Variants in CCDC169 observed in about 807,000 individuals in gnomAD.
CCDC169 encodes coiled-coil domain containing 169, also known as coiled-coil domain-containing protein 169.
CCDC169 carries 30 observed loss-of-function variants against 36.0 expected under a neutral mutation model. The ratio of observed to expected loss-of-function variants is 0.83; its 90% CI spans 0.62 to 1.13. The LOEUF is 1.13. Ranked by LOEUF, CCDC169 falls within the 50% of genes most tolerant of loss-of-function variation. The pLI, the probability that CCDC169 is intolerant of heterozygous loss-of-function variation, is 0.00. For synonymous variants in CCDC169, 85 were observed against 81.5 expected, an observed-to-expected ratio of 1.04 and a Z score of -0.23; for missense variants, 245 against 245.9, an observed-to-expected ratio of 1.00 and a Z score of 0.03.
intron 7 of CCDC169, among the ~76,000 whole-genome samples, chr13:36,237,655 A>C (rs1258762542): frequency 6.6e-6 from 1 of 152,208 alleles, no homozygotes; most frequent in East Asian, 1.9e-4. Flanking sequence ...GAACCATGAA[A>C]ATGTTATATT....
Position 36,248,603 on chromosome 13 carries a change from T to TA in CCDC169, c.545+2dup, listed in dbSNP as rs1456818260. Reference sequence around the variant, plus strand: ...TAGAAAGAAAATATATAGCTAGACTTACGTTTTCACTAGATTCTCTTGCAT... The same window carrying TA: ...TAGAAAGAAAATATATAGCTAGACTTAACGTTTTCACTAGATTCTCTTGCAT... On this transcript the variant is annotated splice_region_variant and intron_variant, in intron 7 of 7. Transcript: ENST00000239859. 23 of 1,548,920 alleles carry TA rather than the reference T, an allele frequency of 1.5e-5. No homozygotes were observed. Among genetic ancestry groups the TA allele is most frequent in the Middle Eastern group, 3.3e-4 (2 of 5,978 alleles).
intron 4 of CCDC169, among the ~76,000 whole-genome samples, chr13:36,268,418 A>G (rs1261227436): frequency 6.6e-6 from 1 of 152,214 alleles, no homozygotes; most frequent in African/African-American, 2.4e-5. Context: ...AAATTCTTTG[A>G]ATTGAATGAT....
chr13:36,227,991 T>C (rs1172252613), downstream of CCDC169, among the ~76,000 whole-genome samples: 1 of 152,228 alleles, frequency 6.6e-6, no homozygotes, highest in Non-Finnish European at 1.5e-5. Context: ...TTGCAGCATA[T>C]ATCAGCATTT....
At position 36,263,852 on chromosome 13, in the gene CCDC169, A is replaced by G. The variant is rs977071377; in HGVS notation, c.316-9709T>C. Among the ~76,000 whole-genome samples, 5 of 152,182 alleles carry G rather than the reference A, an allele frequency of 3.3e-5. No homozygotes were observed. The South Asian group carries it at 6.2e-4, about 19-fold the overall frequency. On this transcript the variant is annotated intron_variant, in intron 4 of 7. Transcript: ENST00000239859. ...TCATTTTATAGAAAATTAAAGCCCT[A>G]TGAAATAAACTGCTCAATATGAAGA...
intron 2 of CCDC169, among the ~76,000 whole-genome samples, chr13:36,285,954 T>C (rs1294088731): frequency 6.6e-6 from 1 of 152,210 alleles, no homozygotes; most frequent in Non-Finnish European, 1.5e-5. Flanking sequence ...ATTATTAGTT[T>C]TGGTCAATGA....
chr13:36,237,286 A>C (rs1464158074), intron 7 of CCDC169, among the ~76,000 whole-genome samples: 3 of 152,106 alleles, frequency 2.0e-5, no homozygotes, highest in Non-Finnish European at 4.4e-5. Context: ...TTTTAAATAA[A>C]GGACAACATG....
At chr13:36,222,115 G>A (rs1869644238) in exon 7 of CCDC169, 1 of 152,148 alleles carries the variant, frequency 6.6e-6, no homozygotes, top group African/African-American at 2.4e-5. Flanking sequence ...TTACTGTGAA[G>A]AAACAGAAAA....
chr13:36,242,737 A>G (rs1347588152), intron 7 of CCDC169, among the ~76,000 whole-genome samples: 2 of 152,196 alleles, frequency 1.3e-5, no homozygotes, highest in African/African-American at 2.4e-5. Flanking sequence ...ATCAAGCACA[A>G]GCAGTGCTGG....
intron 4 of CCDC169, 96 bp from the exon 5 acceptor site, chr13:36,254,239 C>A: frequency 1.4e-6 from 1 of 723,554 alleles, no homozygotes; most frequent in Non-Finnish European, 2.1e-6. Flanking sequence ...CCTTGTATAC[C>A]TAATATTTTG....
At chr13:36,274,202 A>C (rs1268043226) in intron 4 of CCDC169, 1 of 152,224 alleles carries the variant, frequency 6.6e-6, no homozygotes, top group Non-Finnish European at 1.5e-5. Flanking sequence ...GGAGACGACA[A>C]AAACACATTA....
intron 4 of CCDC169, among the ~76,000 whole-genome samples, chr13:36,277,540 C>G (rs899580118): frequency 1.1e-4 from 16 of 152,130 alleles, no homozygotes; most frequent in Admixed American, 1.0e-3. Context: ...CTGAACATAC[C>G]TGGAAATTCT....
chr13:36,277,805 C>T (rs1482683918), intron 4 of CCDC169, among the ~76,000 whole-genome samples: 1 of 151,920 alleles, frequency 6.6e-6, no homozygotes, highest in Non-Finnish European at 1.5e-5. Flanking sequence ...ATTGGCTGAG[C>T]GTGGTGGCAG....
intron 4 of CCDC169, among the ~76,000 whole-genome samples, chr13:36,275,247 C>T (rs1876637269): frequency 6.6e-6 from 1 of 151,764 alleles, no homozygotes; most frequent in South Asian, 2.1e-4. Context: ...TGAACGCTTA[C>T]AAAAGAAAAA....
chr13:36,265,492 G>A (rs961555355), intron 4 of CCDC169, among the ~76,000 whole-genome samples: 2 of 152,198 alleles, frequency 1.3e-5, no homozygotes, highest in African/African-American at 4.8e-5. Flanking sequence ...GCTACTAATT[G>A]TTTAAGTCTG....
intron 4 of CCDC169, among the ~76,000 whole-genome samples, chr13:36,268,197 C>G (rs2138544345): frequency 6.6e-6 from 1 of 152,300 alleles, no homozygotes; most frequent in Non-Finnish European, 1.5e-5. Flanking sequence ...ATGGAACATT[C>G]TCCAAGACAG....
chr13:36,285,533 T>C lies in CCDC169; in HGVS notation c.164-1831A>G, dbSNP rs115770571. Among the ~76,000 whole-genome samples the C allele has an allele frequency of 3.2e-3, 479 of 151,352 alleles. 2 individuals carry two copies. Among genetic ancestry groups the C allele is most frequent in the African/African-American group, 0.011 (464 of 41,234 alleles). On this transcript the variant is annotated intron_variant, in intron 2 of 7. Coordinates refer to ENST00000239859, the MANE Select transcript of CCDC169 (RefSeq NM_001144981.3). Reference sequence around the variant, plus strand: ...CCACTGCACTCTAACCTGGGTGACATAGCTAGTCTGCATCTCAAAAAAATA... The same window carrying C: ...CCACTGCACTCTAACCTGGGTGACACAGCTAGTCTGCATCTCAAAAAAATA...
At chr13:36,278,779 G>C (rs1925844) in intron 4 of CCDC169, among the ~76,000 whole-genome samples, 1 of 152,180 alleles carries the variant, frequency 6.6e-6, no homozygotes, top group East Asian at 1.9e-4. Context: ...TTTCATGACT[G>C]CATGTGACAC....
At chr13:36,258,741 C>G (rs956877555) in intron 4 of CCDC169, among the ~76,000 whole-genome samples, 1 of 124,322 alleles carries the variant, frequency 8.0e-6, no homozygotes, top group Non-Finnish European at 1.9e-5. Context: ...AATAGCCAAC[C>G]AGCACCCCGG....
chr13:36,245,471 C>T (rs1222854916), intron 7 of CCDC169, among the ~76,000 whole-genome samples: 2 of 130,110 alleles, frequency 1.5e-5, no homozygotes, highest in African/African-American at 5.2e-5. Context: ...GTCAATTTTT[C>T]TAATTTTTTG....
Sources: allele counts gnomAD v4.1 joint callset (sites outside exome capture counted in the v4.1 genomes callset), GRCh38; gene constraint gnomAD v4.1.1; transcripts MANE v1.5; gene names NCBI Gene and HGNC (gene_info 2026-07-23, HGNC 2026-07-21).